PTH1R: variants seen among roughly 807,000 people sequenced by gnomAD.
PTH1R encodes parathyroid hormone/parathyroid hormone-related peptide receptor.
In PTH1R, 32 loss-of-function variants were observed where a neutral mutation model predicts 70.7. That is an observed-to-expected ratio of 0.45 (90% confidence interval 0.34 to 0.61). The LOEUF is 0.61. Among genes scored for constraint, PTH1R ranks in the 20% least tolerant of loss-of-function variants. The pLI is 0.01. For synonymous variants in PTH1R, 329 were observed against 324.8 expected (o/e 1.01, Z -0.14); for missense variants, 626 against 792.5 (o/e 0.79, Z 2.52).
At chr3:46,887,464 A>G (rs1308535056) in intron 3 of PTH1R, among the ~76,000 whole-genome samples, 74 of 151,412 alleles carry the variant, frequency 4.9e-4, no homozygotes, top group Non-Finnish European at 9.3e-4. Flanking sequence ...CTGAAAAAAA[A>G]AAAAAAAAAA....
intron 4 of PTH1R, among the ~76,000 whole-genome samples, chr3:46,894,987 A>C (rs1342835614): frequency 1.3e-5 from 2 of 151,170 alleles, no homozygotes; most frequent in Non-Finnish European, 2.9e-5. Context: ...TCACTTGAGC[A>C]CAGGAATTTG....
In PTH1R at chr3:46,895,793, G is replaced by C. The variant is rs746580849; in HGVS notation, c.237G>C (p.Arg79Ser). ...WTSASTSGKP[R>S]KDKASGKLYP... The stretch of plus-strand genomic sequence containing the variant: ...CTGCGTCCACATCAGGGAAGCCCAG[G>C]AAAGATAAGGCATCTGGGAAGCTCT... The change falls in exon 5 of 16, where the codon AGG (arginine) becomes AGC (serine). Residue 79 changes from arginine (R) to serine (S), a missense_variant. Transcript: ENST00000449590. 1 of 1,614,162 alleles carries C rather than the reference G, an allele frequency of 6.2e-7. No homozygotes were observed. The highest frequency in any genetic ancestry group is 8.5e-7 in the Non-Finnish European group (1 of 1,180,042).
chr3:46,903,662 C>T lies in PTH1R; in HGVS notation c.*6C>T, dbSNP rs746407052. The T allele has an allele frequency of 8.1e-6, 13 of 1,606,702 alleles. No individual in the cohort carries two copies. Among genetic ancestry groups the T allele is most frequent in the South Asian group, 3.3e-5 (3 of 91,080 alleles). Reference sequence around the variant, plus strand: ...AGTGGGAGACAGTCATGTGACCAGGCGCTGGGGGCTGGACCTGCTGACATA... The same window carrying T: ...AGTGGGAGACAGTCATGTGACCAGGTGCTGGGGGCTGGACCTGCTGACATA... On this transcript the variant is annotated 3_prime_UTR_variant, in exon 16 of 16. Transcript: ENST00000449590. This position sits in a 1 kb window ranked among gnomAD's most constrained non-coding sequence, Gnocchi z 4.4.
In PTH1R at chr3:46,878,741, C is replaced by T. The variant is rs549539675; in HGVS notation, c.-106+898C>T. Among the ~76,000 whole-genome samples, 51 of 152,214 alleles carry T rather than the reference C, an allele frequency of 3.4e-4. 1 individual carries two copies. The highest frequency in any genetic ancestry group is 6.8e-3 in the Middle Eastern group (2 of 294). ...TGTACCTTGGCCAGAGCCCTACTCACGGTGGGATGGCTGCAGCAGAGGCCT... is the reference window on the plus strand; with the variant it reads ...TGTACCTTGGCCAGAGCCCTACTCATGGTGGGATGGCTGCAGCAGAGGCCT... On this transcript the variant is annotated intron_variant, in intron 1 of 15. Transcript: ENST00000449590.
Position 46,901,616 on chromosome 3 carries a change from G to T in PTH1R, c.1116+136G>T. 7.5e-7 allele frequency: 1 copy of T among 1,338,902 alleles called. No homozygotes were observed. The allele number at this position is 1,338,902 out of a possible 1,614,324, so 82.9% of individuals were successfully genotyped here. ...AGCTACAGAGGCCGGAGGACCAGCT[G>T]ATCCACACTCCAGCCCAGAAAGGAA... On this transcript the variant is annotated intron_variant, in intron 12 of 15. Coordinates refer to ENST00000449590, the MANE Select transcript of PTH1R (RefSeq NM_000316.3). The surrounding 1 kb of genome is among the most constrained non-coding windows in gnomAD (Gnocchi z 7.3).
chr3:46,890,907 T>G (rs900622670), intron 3 of PTH1R, among the ~76,000 whole-genome samples: 2 of 152,068 alleles, frequency 1.3e-5, no homozygotes, highest in African/African-American at 4.8e-5. Context: ...GGATTCACAT[T>G]GTGGGGCTGG....
Position 46,901,144 on chromosome 3 carries a change from A to G in PTH1R, c.1049+59A>G. The G allele has an allele frequency of 3.2e-6, 5 of 1,539,424 alleles. No homozygotes were observed. The highest frequency in any genetic ancestry group is 4.4e-6 in the Non-Finnish European group (5 of 1,135,890). ...AGCACCCCTGGGTCCCTTTTCTTCC[A>G]GGAAGCATGTGAGAGGGCCTCCTGT... On this transcript the variant is annotated intron_variant, in intron 11 of 15. Transcript: ENST00000449590. The surrounding 1 kb of genome is among the most constrained non-coding windows in gnomAD (Gnocchi z 7.3).
rs200711744 is a variant in PTH1R at position 46,902,742 on chromosome 3, T to C, written c.1354-7T>C. The C allele has an allele frequency of 5.6e-6, 9 of 1,613,828 alleles. No homozygotes were observed. The highest frequency in any genetic ancestry group is 7.6e-6 in the Non-Finnish European group (9 of 1,180,026). ...GCAGGCCTGATTCGAGACACCCCTC[T>C]TCACAGGGATTTTTTGTCGCAATCA... On this transcript the variant is annotated splice_region_variant and splice_polypyrimidine_tract_variant and intron_variant, in intron 14 of 15. Coordinates refer to ENST00000449590, the MANE Select transcript of PTH1R (RefSeq NM_000316.3). The surrounding 1 kb of genome is among the most constrained non-coding windows in gnomAD (Gnocchi z 5.4).
chr3:46,890,496 C>CTTT (rs71619664), intron 3 of PTH1R, among the ~76,000 whole-genome samples: 267 of 72,358 alleles, frequency 3.7e-3, no homozygotes, highest in Middle Eastern at 9.4e-3. Context: ...TTCACAGCAG[C>CTTT]TTTTTTTTTT....
chr3:46,894,983 G>C (rs76879039), intron 4 of PTH1R, among the ~76,000 whole-genome samples: 1 of 149,868 alleles, frequency 6.7e-6, no homozygotes, highest in East Asian at 2.0e-4. Flanking sequence ...AGGATCACTT[G>C]AGCACAGGAA....
intron 3 of PTH1R, among the ~76,000 whole-genome samples, chr3:46,887,169 G>A (rs755477436): frequency 2.0e-5 from 3 of 151,974 alleles, no homozygotes; most frequent in Non-Finnish European, 4.4e-5. Context: ...GAACCCAGGA[G>A]GCAGAGGTTG....
intron 3 of PTH1R, among the ~76,000 whole-genome samples, chr3:46,887,138 G>C (rs191919210): frequency 3.0e-4 from 45 of 152,062 alleles, no homozygotes; most frequent in African/African-American, 7.2e-4. Context: ...TTATTGGAAG[G>C]CTGAGGCAGG....
intron 3 of PTH1R, among the ~76,000 whole-genome samples, chr3:46,885,779 T>C (rs2030980371): frequency 6.6e-6 from 1 of 152,160 alleles, no homozygotes; most frequent in Non-Finnish European, 1.5e-5. Flanking sequence ...CCTGGACTCA[T>C]CTGGGGCCAG....
In PTH1R at chr3:46,882,734, G is replaced by C. The variant is rs1218231328; in HGVS notation, c.-48-778G>C. On this transcript the variant is annotated intron_variant, in intron 2 of 15. Coordinates refer to ENST00000449590, the MANE Select transcript of PTH1R (RefSeq NM_000316.3). This position sits in a 1 kb window ranked among gnomAD's most constrained non-coding sequence, Gnocchi z 4.3. ...GGGCCGCTGGAAGAACTGAGGCCAA[G>C]GCCGGGGGAGCTAGAGACGGACTGA... is the stretch of plus-strand genomic sequence containing the variant. Among the ~76,000 whole-genome samples the C allele has an allele frequency of 6.6e-6, 1 of 152,172 alleles. No homozygotes were observed. The highest frequency in any genetic ancestry group is 1.5e-5 in the Non-Finnish European group (1 of 68,018).
At chr3:46,878,752 C>T (rs1559525141) in intron 1 of PTH1R, among the ~76,000 whole-genome samples, 1 of 152,094 alleles carries the variant, frequency 6.6e-6, no homozygotes, top group Non-Finnish European at 1.5e-5. Context: ...GGTGGGATGG[C>T]TGCAGCAGAG....
rs2032104409 is a variant in PTH1R at position 46,901,397 on chromosome 3, G to A, written c.1050-17G>A. 6.4e-7 allele frequency: 1 copy of A among 1,561,374 alleles called. No individual in the cohort carries two copies. Among genetic ancestry groups the A allele is most frequent in the Non-Finnish European group, 8.7e-7 (1 of 1,152,126 alleles). Reference sequence around the variant, plus strand: ...GGGAACAGGAGGGATGGGAGCTAATGCCTCAACCTCCCCCAGGTGCTGGGA... The same window carrying A: ...GGGAACAGGAGGGATGGGAGCTAATACCTCAACCTCCCCCAGGTGCTGGGA... On this transcript the variant is annotated splice_polypyrimidine_tract_variant and intron_variant, in intron 11 of 15. Coordinates refer to ENST00000449590, the MANE Select transcript of PTH1R (RefSeq NM_000316.3). The surrounding 1 kb of genome is among the most constrained non-coding windows in gnomAD (Gnocchi z 7.3).
In PTH1R at chr3:46,898,122, C is replaced by A. The variant is rs762939698; in HGVS notation, c.473C>A (p.Pro158His). 1 of 1,614,124 alleles carries A rather than the reference C, an allele frequency of 6.2e-7. No individual in the cohort carries two copies. The highest frequency in any genetic ancestry group is 8.5e-7 in the Non-Finnish European group (1 of 1,180,048). The change falls in exon 7 of 16, where the codon CCT becomes CAT. Residue 158 changes from proline to histidine, a missense_variant. This residue lies in a region of PTH1R where 495 missense variants were observed against 638.7 expected (regional missense o/e 0.77). Transcript: ENST00000449590. ...CDRNGSWELV[P>H]GHNRTWANYS... is the part of the protein sequence containing the mutation. ...CGCAATGGCAGCTGGGAGCTGGTGC[C>A]TGGGCACAACAGGACGTGGGCCAAC...
intron 3 of PTH1R, among the ~76,000 whole-genome samples, chr3:46,885,205 T>G (rs989995135): frequency 1.3e-5 from 2 of 152,086 alleles, no homozygotes; most frequent in Non-Finnish European, 2.9e-5. Context: ...TCTGGGTCTG[T>G]GTGATTGTGA....
chr3:46,901,963 A>C lies in PTH1R; in HGVS notation c.1211+103A>C. On this transcript the variant is annotated intron_variant, in intron 13 of 15. Transcript: ENST00000449590. This position sits in a 1 kb window ranked among gnomAD's most constrained non-coding sequence, Gnocchi z 7.3. ...GTGGCCCCATGAATGATCCTGGGGC[A>C]AGGGAAAGGACCCAGCGTCTGACTC... 8.1e-7 allele frequency: 1 copy of C among 1,235,694 alleles called. No individual in the cohort carries two copies. The highest frequency in any genetic ancestry group is 1.2e-6 in the Non-Finnish European group (1 of 858,536). 76.5% of individuals were successfully genotyped at this position (1,235,694 alleles called of 1,614,324 possible).
Sources: allele counts gnomAD v4.1 joint callset (sites outside exome capture counted in the v4.1 genomes callset), GRCh38; gene constraint gnomAD v4.1.1; regional missense constraint gnomAD v4.1.1; non-coding constraint Gnocchi (gnomAD v3.1); transcripts MANE v1.5; gene names NCBI Gene and HGNC (gene_info 2026-07-23, HGNC 2026-07-21).